Variants in EXOC6B observed in about 807,000 individuals in gnomAD.
The protein encoded by EXOC6B is exocyst complex component 6B.
In EXOC6B, 54 loss-of-function variants were observed where a neutral mutation model predicts 113.5. The ratio of observed to expected loss-of-function variants is 0.48; its 90% CI spans 0.38 to 0.60. The LOEUF (loss-of-function observed/expected upper bound fraction) is 0.60, where lower values mean the gene tolerates loss of function less well. Ranked by LOEUF, EXOC6B falls within the 20% of genes least tolerant of loss-of-function variation. The pLI is 0.00. For missense variants in EXOC6B, 797 were observed against 977.5 expected, an observed-to-expected ratio of 0.82 and a Z score of 2.46; for synonymous variants, 357 against 339.0, an observed-to-expected ratio of 1.05 and a Z score of -0.58.
At chr2:72,553,245 G>C (rs1319398901) in intron 8 of EXOC6B, among the ~76,000 whole-genome samples, 1 of 151,992 alleles carries the variant, frequency 6.6e-6, no homozygotes, top group Non-Finnish European at 1.5e-5. Flanking sequence ...TAAGTATTTT[G>C]CTATTTATCT....
intron 6 of EXOC6B, among the ~76,000 whole-genome samples, chr2:72,663,896 A>G (rs1031431758): frequency 1.3e-5 from 2 of 152,226 alleles, no homozygotes; most frequent in East Asian, 3.8e-4. Flanking sequence ...TATAAAAAAA[A>G]GTATTACACT....
At chr2:72,306,728 C>A (rs1161770939) in intron 20 of EXOC6B, among the ~76,000 whole-genome samples, 1 of 152,138 alleles carries the variant, frequency 6.6e-6, no homozygotes, top group Non-Finnish European at 1.5e-5. Context: ...ACAACCCTGG[C>A]AATTTACTCA....
chr2:72,721,290 C>G (rs1679983888), intron 5 of EXOC6B, among the ~76,000 whole-genome samples: 1 of 145,658 alleles, frequency 6.9e-6, no homozygotes, highest in Admixed American at 7.0e-5. Flanking sequence ...GATCACACCA[C>G]TGCACTCCAG....
At chr2:72,712,184 C>T (rs1172589413) in intron 6 of EXOC6B, among the ~76,000 whole-genome samples, 1 of 152,128 alleles carries the variant, frequency 6.6e-6, no homozygotes, top group African/African-American at 2.4e-5. Flanking sequence ...CAATTGTTTC[C>T]TAGATCCAAA....
intron 8 of EXOC6B, among the ~76,000 whole-genome samples, chr2:72,527,658 G>T (rs1701805182): frequency 6.6e-6 from 1 of 151,966 alleles, no homozygotes; most frequent in African/African-American, 2.4e-5. Flanking sequence ...TTTCCAGAGT[G>T]ACTATGCCAT....
At chr2:72,544,811 A>G (rs1702808712) in intron 8 of EXOC6B, among the ~76,000 whole-genome samples, 1 of 152,060 alleles carries the variant, frequency 6.6e-6, no homozygotes, top group South Asian at 2.1e-4. Context: ...ACCATTTCCC[A>G]TTTCTCATCA....
At chr2:72,484,802 AG>A (rs1699332497) in intron 16 of EXOC6B, among the ~76,000 whole-genome samples, 1 of 152,136 alleles carries the variant, frequency 6.6e-6, no homozygotes, top group South Asian at 2.1e-4. Flanking sequence ...ATGGCTGCAT[AG>A]TATTCCATGA....
intron 6 of EXOC6B, among the ~76,000 whole-genome samples, chr2:72,651,800 T>TTATC (rs1674185544): frequency 6.6e-6 from 1 of 152,108 alleles, no homozygotes; most frequent in South Asian, 2.1e-4. Flanking sequence ...TTTCACTGTG[T>TTATC]TATCCAGGGT....
chr2:72,613,825 G>A (rs951872698), intron 6 of EXOC6B, among the ~76,000 whole-genome samples: 1 of 151,982 alleles, frequency 6.6e-6, no homozygotes, highest in Non-Finnish European at 1.5e-5. Flanking sequence ...CTGGGGTCAG[G>A]AAACTATGGC....
chr2:72,307,893 G>A (rs939210093), intron 20 of EXOC6B, among the ~76,000 whole-genome samples: 1 of 151,990 alleles, frequency 6.6e-6, no homozygotes, highest in African/African-American at 2.4e-5. Flanking sequence ...TACTCCAGAG[G>A]AATAACACAA....
chr2:72,503,319 C>T (rs1700428814), intron 11 of EXOC6B, among the ~76,000 whole-genome samples: 1 of 152,020 alleles, frequency 6.6e-6, no homozygotes. Context: ...TTTTGCTGTC[C>T]CCCAAATACC....
At chr2:72,589,893 G>C (rs956887147) in intron 6 of EXOC6B, among the ~76,000 whole-genome samples, 2 of 151,916 alleles carry the variant, frequency 1.3e-5, no homozygotes, top group African/African-American at 2.4e-5. Flanking sequence ...TCAAATAAAG[G>C]CTTCTGTAAG....
In EXOC6B at chr2:72,255,332, A is replaced by T. The variant is rs1403770789; in HGVS notation, c.2197-71145T>A. Among the ~76,000 whole-genome samples, 7 of 152,254 alleles carry T rather than the reference A, an allele frequency of 4.6e-5. No homozygotes were observed. The South Asian group carries it at 1.4e-3, about 31-fold the overall frequency. On this transcript the variant is annotated intron_variant, in intron 20 of 21. Coordinates refer to ENST00000272427, the MANE Select transcript of EXOC6B (RefSeq NM_015189.3). ...TTGCTGTTGGGCTTAACAAAATTCT[A>T]TAAACAGAAAAATGGGCTGATAAAG...
At chr2:72,700,195 T>A (rs1381773797) in intron 6 of EXOC6B, among the ~76,000 whole-genome samples, 1 of 150,254 alleles carries the variant, frequency 6.7e-6, no homozygotes, top group African/African-American at 2.5e-5. Context: ...ATCTGTGGAT[T>A]TGGAGGGATG....
At chr2:72,237,504 T>C (rs1245018212) in intron 20 of EXOC6B, among the ~76,000 whole-genome samples, 1 of 152,184 alleles carries the variant, frequency 6.6e-6, no homozygotes, top group Non-Finnish European at 1.5e-5. Flanking sequence ...ATATGGATTA[T>C]GAACAAAACA....
intron 6 of EXOC6B, among the ~76,000 whole-genome samples, chr2:72,682,130 G>A (rs1239292841): frequency 6.6e-6 from 1 of 151,868 alleles, no homozygotes; most frequent in African/African-American, 2.4e-5. Context: ...CCCACCATAA[G>A]GTGGGCAAAA....
At chr2:72,669,159 T>C (rs1437718080) in intron 6 of EXOC6B, among the ~76,000 whole-genome samples, 2 of 151,936 alleles carry the variant, frequency 1.3e-5, no homozygotes, top group Non-Finnish European at 2.9e-5. Flanking sequence ...CACATTCAAA[T>C]ATGGAAAAAT....
chr2:72,495,624 C>T (rs1699994828), intron 14 of EXOC6B, 85 bp from the exon 15 acceptor site: 1 of 722,622 alleles, frequency 1.4e-6, no homozygotes, highest in African/African-American at 1.8e-5. Context: ...GCAAAAAGAA[C>T]ATTCTTTCAC....
At chr2:72,403,374 C>G (rs1017092183) in intron 18 of EXOC6B, among the ~76,000 whole-genome samples, 10 of 152,078 alleles carry the variant, frequency 6.6e-5, no homozygotes, top group Admixed American at 2.0e-4. Context: ...AACAGACATA[C>G]ACAATAATTT....
Sources: gnomAD v4.1 joint callset for allele counts (sites outside exome capture counted in the v4.1 genomes callset) on GRCh38, gnomAD v4.1.1 for gene constraint, MANE v1.5 for transcripts, NCBI Gene and HGNC (gene_info 2026-07-23, HGNC 2026-07-21) for gene names.